ARVCF: variants seen among roughly 807,000 people sequenced by gnomAD.
ARVCF encodes ARVCF delta catenin family member.
Under a neutral mutation model 90.9 loss-of-function variants are expected in ARVCF, and 66 were observed. That is an observed-to-expected ratio of 0.73 (90% CI 0.60 to 0.89). The LOEUF is 0.89. ARVCF is among the 40% of genes least tolerant of loss of function. The pLI, the probability that ARVCF is intolerant of heterozygous loss-of-function variation, is 0.00. For synonymous variants in ARVCF, 653 were observed against 603.4 expected (o/e 1.08, Z -1.21); for missense variants, 1,469 against 1,382.3 (o/e 1.06, Z -1.00).
rs954821659 is a variant in ARVCF at position 19,977,587 on chromosome 22, C to A, written c.1699-1G>T. ...TGATGCACACGCAGTTCTCCACCGA[C>A]TGCAGGGAGAGGTGAGTGGGTGGGG... is the stretch of plus-strand genomic sequence containing the variant. On this transcript the variant is annotated splice_acceptor_variant, in intron 8 of 19. Transcript: ENST00000263207. LOFTEE classifies it high-confidence loss of function. The A allele has an allele frequency of 2.0e-6, 3 of 1,520,388 alleles. No homozygotes were observed. The highest frequency in any genetic ancestry group is 2.6e-6 in the Non-Finnish European group (3 of 1,132,896). The allele number at this position is 1,520,388 out of a possible 1,614,324, so 94.2% of individuals were successfully genotyped here. A position where few individuals can be genotyped will look rare whatever the true frequency, so the allele number is the denominator to read the frequency against.
chr22:19,995,655 G>A (rs1245568364), intron 2 of ARVCF, among the ~76,000 whole-genome samples: 2 of 152,152 alleles, frequency 1.3e-5, no homozygotes, highest in South Asian at 2.1e-4. Context: ...TATGGGGCCC[G>A]AGTCCAGTGT....
chr22:19,995,616 C>T (rs1944219444), intron 2 of ARVCF, among the ~76,000 whole-genome samples: 1 of 152,178 alleles, frequency 6.6e-6, no homozygotes, highest in South Asian at 2.1e-4. Flanking sequence ...CTCGGGAGTG[C>T]GGCCAGAGCC....
intron 2 of ARVCF, among the ~76,000 whole-genome samples, chr22:20,004,278 C>A (rs1416112709): frequency 6.6e-6 from 1 of 152,090 alleles, no homozygotes. Context: ...ACCACTGTCA[C>A]AATGACGATA....
At chr22:19,973,853 ACGCTGAC>A in intron 12 of ARVCF, 60 bp from the exon 13 acceptor site, 1 of 1,559,096 alleles carries the variant, frequency 6.4e-7, no homozygotes, top group Non-Finnish European at 8.7e-7. Context: ...CCACCTCCAG[ACGCTGAC>A]CGCTCTCTCC....
chr22:20,007,217 G>A (rs1007426122), intron 2 of ARVCF, among the ~76,000 whole-genome samples: 1 of 152,052 alleles, frequency 6.6e-6, no homozygotes, highest in African/African-American at 2.4e-5. Flanking sequence ...TGGACATGGT[G>A]AAATCCCATC....
At chr22:20,002,563 T>C (rs1248553957) in intron 2 of ARVCF, among the ~76,000 whole-genome samples, 4 of 152,212 alleles carry the variant, frequency 2.6e-5, no homozygotes, top group African/African-American at 9.6e-5. Flanking sequence ...GTGAGGTTTC[T>C]GGATTTTCAG....
chr22:20,005,700 GT>G (rs557081418), intron 2 of ARVCF, among the ~76,000 whole-genome samples: 17 of 151,862 alleles, frequency 1.1e-4, no homozygotes, highest in African/African-American at 3.9e-4. Context: ...GGCGCCTGTA[GT>G]CCCAGCTACT....
At chr22:19,988,380 T>C (rs1943900848) in intron 3 of ARVCF, among the ~76,000 whole-genome samples, 1 of 152,236 alleles carries the variant, frequency 6.6e-6, no homozygotes, top group African/African-American at 2.4e-5. Context: ...CCGCATCTTA[T>C]CTTTAAGCTG....
At position 20,005,549 on chromosome 22, in the gene ARVCF, G is replaced by T. The variant is rs1198049270; in HGVS notation, c.-19+4906C>A. Among the ~76,000 whole-genome samples the T allele has an allele frequency of 3.3e-5, 5 of 152,304 alleles. 1 individual carries two copies. In the South Asian group the frequency reaches 1.0e-3, roughly 32 times the overall value. On this transcript the variant is annotated intron_variant, in intron 2 of 19. Transcript: ENST00000263207. ...TCTAAAAGAATTGAGGCCAGGCGTGGTGGCTCACGCCTGTAATCCCAACAC... is the reference window on the plus strand; with the variant it reads ...TCTAAAAGAATTGAGGCCAGGCGTGTTGGCTCACGCCTGTAATCCCAACAC...
chr22:19,971,447 G>C lies in ARVCF; in HGVS notation c.2782-112C>G, dbSNP rs1360805754. 2.9e-5 allele frequency: 38 copies of C among 1,308,246 alleles called. No homozygotes were observed. In the East Asian group the frequency reaches 9.3e-4, roughly 32 times the overall value. The allele number at this position is 1,308,246 out of a possible 1,614,324, so 81.0% of individuals were successfully genotyped here. On this transcript the variant is annotated intron_variant, in intron 18 of 19. Coordinates refer to ENST00000263207, the MANE Select transcript of ARVCF (RefSeq NM_001670.3). ...TGGCGATGTAAGGGTTGGCCTGCCA[G>C]GACAGCACAGGTAGCACCAAGGGCG...
At chr22:19,977,712 G>T in intron 8 of ARVCF, 126 bp from the exon 9 acceptor site, 1 of 1,337,678 alleles carries the variant, frequency 7.5e-7, no homozygotes, top group East Asian at 2.6e-5. Context: ...CCTCAGTGGA[G>T]GGGAGCAAAA....
chr22:20,005,910 A>C (rs1944608073), intron 2 of ARVCF, among the ~76,000 whole-genome samples: 1 of 152,256 alleles, frequency 6.6e-6, no homozygotes, highest in African/African-American at 2.4e-5. Context: ...AGTGTCCACC[A>C]GTGGAAAAAT....
intron 2 of ARVCF, among the ~76,000 whole-genome samples, chr22:20,004,750 C>T (rs536283707): frequency 4.6e-5 from 7 of 152,240 alleles, no homozygotes; most frequent in East Asian, 1.9e-4. Context: ...CTCATGAATA[C>T]GGTCAAATGA....
chr22:20,011,959 C>T (rs1670959129), intron 1 of ARVCF, among the ~76,000 whole-genome samples: 1 of 152,030 alleles, frequency 6.6e-6, no homozygotes, highest in Admixed American at 6.5e-5. Context: ...CTCACTGACT[C>T]TACCAGGTGT....
intron 1 of ARVCF, 149 bp downstream of exon 1, chr22:20,016,440 C>T (rs909267405): frequency 2.0e-5 from 3 of 152,162 alleles, no homozygotes; most frequent in Admixed American, 6.5e-5. Flanking sequence ...CCGGCCCAGA[C>T]CCTCGCCCGG....
At chr22:19,981,905 C>T (rs1169128835) in intron 4 of ARVCF, 28 bp downstream of exon 4, 41 of 1,607,926 alleles carry the variant, frequency 2.5e-5, no homozygotes, top group Non-Finnish European at 3.4e-5. Flanking sequence ...GCCCTGCTCA[C>T]CCACCCACTG....
rs759883209 is a variant in ARVCF at position 19,990,750 on chromosome 22, C to A, written c.45G>T (p.Ser15=). 2.5e-6 allele frequency: 4 copies of A among 1,589,080 alleles called. No homozygotes were observed. In the East Asian group the frequency reaches 6.9e-5, roughly 27 times the overall value. Residue 15 remains serine (S), a synonymous_variant, in exon 3 of 20, where the codon TCG becomes TCT. Coordinates refer to ENST00000263207, the MANE Select transcript of ARVCF (RefSeq NM_001670.3). ...CGAAGCGGGCCTCCTGCTCCTTCAC[C>A]GAGGCCAGGATGCTGGCGGCCGAGT... ...NVHSAASILA[S]VKEQEARFER... is the part of the protein sequence containing the mutation.
downstream of ARVCF, chr22:19,968,728 G>A: frequency 6.3e-7 from 1 of 1,589,158 alleles, no homozygotes; most frequent in Non-Finnish European, 8.6e-7. Flanking sequence ...CAGCGAAGCA[G>A]GGCCCTGACT....
In ARVCF at chr22:19,972,853, G is replaced by A. The variant is rs201663794; in HGVS notation, c.2551-26C>T. ...CTGAGACATAAAACACAGACACAGG[G>A]TGGGTGAAGCACATGGAGTGGGAAT... On this transcript the variant is annotated intron_variant, in intron 15 of 19. Coordinates refer to ENST00000263207, the MANE Select transcript of ARVCF (RefSeq NM_001670.3). 1.5e-4 allele frequency: 246 copies of A among 1,613,716 alleles called. 2 individuals are homozygous for A. The East Asian group carries it at 3.1e-3, about 20-fold the overall frequency.
Sources: gnomAD v4.1 joint callset for allele counts (sites outside exome capture counted in the v4.1 genomes callset) on GRCh38, gnomAD v4.1.1 for gene constraint, MANE v1.5 for transcripts, NCBI Gene and HGNC (gene_info 2026-07-23, HGNC 2026-07-21) for gene names.